The following CADPS2 variants were observed in gnomAD, a reference collection of about 807,000 sequenced individuals.
CADPS2 encodes calcium-dependent secretion activator 2.
Under a neutral mutation model 172.5 loss-of-function variants are expected in CADPS2, and 93 were observed. That is an observed-to-expected ratio of 0.54 (90% CI 0.46 to 0.64). CADPS2 has a LOEUF of 0.64. Among genes scored for constraint, CADPS2 ranks in the 30% least tolerant of loss-of-function variants. The pLI, the probability that CADPS2 is intolerant of heterozygous loss-of-function variation, is 0.00. For missense variants in CADPS2, 1,420 were observed against 1,565.9 expected (o/e 0.91, Z 1.57); for synonymous variants, 546 against 555.2 (o/e 0.98, Z 0.23).
chr7:122,345,044 AC>A (rs2037355504), intron 28 of CADPS2, among the ~76,000 whole-genome samples: 1 of 152,036 alleles, frequency 6.6e-6, no homozygotes, highest in Admixed American at 6.6e-5. Flanking sequence ...TTCAGAAGGC[AC>A]CCCGCCATCC....
chr7:122,835,598 T>C (rs1584778352), intron 1 of CADPS2, among the ~76,000 whole-genome samples: 2 of 152,182 alleles, frequency 1.3e-5, no homozygotes, highest in African/African-American at 4.8e-5. Flanking sequence ...AATGACCTGA[T>C]GGAACTGAAA....
intron 1 of CADPS2, among the ~76,000 whole-genome samples, chr7:122,874,532 A>G (rs1820694710): frequency 6.6e-6 from 1 of 152,198 alleles, no homozygotes; most frequent in Non-Finnish European, 1.5e-5. Context: ...AGAAAAAACT[A>G]CTTTAAATTT....
At chr7:122,530,791 T>A (rs928344322) in intron 8 of CADPS2, among the ~76,000 whole-genome samples, 44 of 152,164 alleles carry the variant, frequency 2.9e-4, no homozygotes, top group African/African-American at 1.0e-3. Flanking sequence ...CCAGCTACCA[T>A]ATATATAAAA....
At chr7:122,762,060 A>C (rs1245479473) in intron 1 of CADPS2, among the ~76,000 whole-genome samples, 1 of 149,212 alleles carries the variant, frequency 6.7e-6, no homozygotes, top group African/African-American at 2.5e-5. Context: ...ACACACACGT[A>C]TATTTATGTG....
rs185207398 is a variant in CADPS2, at chr7:122,333,245, T to C, written c.3613-7664A>G. Among the ~76,000 whole-genome samples, 22 of 152,346 alleles carry C rather than the reference T, an allele frequency of 1.4e-4. No individual in the cohort carries two copies. The East Asian group carries it at 2.9e-3, about 20-fold the overall frequency. ...TTTTAAATCCATAATGTAGGATTTA[T>C]ATAAAAGTATATTGGACTCTTGGAA... On this transcript the variant is annotated intron_variant, in intron 28 of 29. Transcript: ENST00000449022.
chr7:122,434,346 AAAAAG>A (rs965211151), intron 17 of CADPS2, among the ~76,000 whole-genome samples: 3 of 152,140 alleles, frequency 2.0e-5, no homozygotes, highest in African/African-American at 7.2e-5. Flanking sequence ...AGGGGAAAAA[AAAAAG>A]AAAGAAATAG....
intron 11 of CADPS2, among the ~76,000 whole-genome samples, chr7:122,487,554 A>C (rs2057944004): frequency 6.6e-6 from 1 of 152,224 alleles, no homozygotes; most frequent in Admixed American, 6.5e-5. Flanking sequence ...GCATTTCTCT[A>C]TATGAGCAAT....
At chr7:122,784,701 T>C (rs1045698596) in intron 1 of CADPS2, among the ~76,000 whole-genome samples, 1 of 152,206 alleles carries the variant, frequency 6.6e-6, no homozygotes, top group South Asian at 2.1e-4. Flanking sequence ...ATCCTTTTCT[T>C]AAGGTAACTT....
chr7:122,606,378 T>C (rs1253345893), intron 6 of CADPS2, among the ~76,000 whole-genome samples: 2 of 152,106 alleles, frequency 1.3e-5, no homozygotes, highest in Non-Finnish European at 2.9e-5. Flanking sequence ...AATATACATG[T>C]GCCTATGTAT....
At chr7:122,335,042 T>A (rs2150864288) in intron 28 of CADPS2, among the ~76,000 whole-genome samples, 1 of 152,292 alleles carries the variant, frequency 6.6e-6, no homozygotes, top group Non-Finnish European at 1.5e-5. Context: ...TGAGTAATTG[T>A]GACATAGATA....
intron 2 of CADPS2, among the ~76,000 whole-genome samples, chr7:122,706,281 CAAGGAATAT>C: frequency 2.0e-4 from 3 of 15,038 alleles, no homozygotes; most frequent in Admixed American, 1.3e-3. Flanking sequence ...TTTATATATT[CAAGGAATAT>C]ATATATGCTT....
intron 19 of CADPS2, among the ~76,000 whole-genome samples, chr7:122,408,193 T>TA (rs71530092): frequency 4.6e-5 from 7 of 152,008 alleles, no homozygotes; most frequent in Non-Finnish European, 8.8e-5. Flanking sequence ...TTTTTTTTTT[T>TA]ACCAATTACC....
At chr7:122,655,422 A>C (rs1017749357) in intron 3 of CADPS2, among the ~76,000 whole-genome samples, 3 of 152,172 alleles carry the variant, frequency 2.0e-5, no homozygotes, top group African/African-American at 7.2e-5. Flanking sequence ...ATCCACATCA[A>C]GGCGAGACCC....
rs1475370728 is a variant in CADPS2, at chr7:122,734,445, A to G, written c.453+2510T>C. On this transcript the variant is annotated intron_variant, in intron 2 of 29. Transcript: ENST00000449022. ...AACTCGGATGCTTACAATATGTAAC[A>G]CTGGAAAAGTCATTTAACCTCTATG... Among the ~76,000 whole-genome samples the G allele has an allele frequency of 2.7e-5, 4 of 149,294 alleles. No homozygotes were observed. In the Admixed American group the frequency reaches 2.7e-4, roughly 10 times the overall value.
intron 2 of CADPS2, among the ~76,000 whole-genome samples, chr7:122,732,313 C>T: frequency 6.6e-6 from 1 of 150,764 alleles, no homozygotes; most frequent in Non-Finnish European, 1.5e-5. Flanking sequence ...AAGGTACAAC[C>T]ACTATAAGAA....
rs1271844056 is a variant in CADPS2, at chr7:122,705,757, AT to A, written c.453+31197del. Among the ~76,000 whole-genome samples the A allele has an allele frequency of 2.4e-3, 22 of 9,190 alleles. 4 individuals are homozygous for A. The highest frequency in any genetic ancestry group is 7.2e-3 in the African/African-American group (22 of 3,042). The allele number at this position is 9,190 out of a possible 152,430, so 6.0% of individuals were successfully genotyped here. A position where few individuals can be genotyped will look rare whatever the true frequency, so the allele number is the denominator to read the frequency against. On this transcript the variant is annotated intron_variant, in intron 2 of 29. Transcript: ENST00000449022. ...TTATATAATATATAATATATATAAT[AT>A]ATAATATATGATATATTATATAATA...
intron 4 of CADPS2, among the ~76,000 whole-genome samples, chr7:122,624,060 A>AT (rs1383562426): frequency 1.3e-5 from 2 of 152,088 alleles, no homozygotes; most frequent in South Asian, 2.1e-4. Flanking sequence ...CTATACTTGA[A>AT]TTTTTTTCTC....
intron 2 of CADPS2, among the ~76,000 whole-genome samples, chr7:122,688,677 T>C (rs1351145205): frequency 5.9e-5 from 9 of 152,184 alleles, no homozygotes; most frequent in Admixed American, 2.0e-4. Context: ...CCCTATATAG[T>C]GTCAGCAGGG....
rs539838360 is a variant in CADPS2 at position 122,353,571 on chromosome 7, G to A, written c.3504+7217C>T. Among the ~76,000 whole-genome samples, 7 of 152,308 alleles carry A rather than the reference G, an allele frequency of 4.6e-5. No individual in the cohort carries two copies. The South Asian group carries it at 1.4e-3, about 32-fold the overall frequency. ...CTAGCATAGAGTTGGTATGCAGCGT[G>A]TGTGATAATGTTAATAAGACCATTT... is the stretch of plus-strand genomic sequence containing the variant. On this transcript the variant is annotated intron_variant, in intron 27 of 29. Coordinates refer to ENST00000449022, the MANE Select transcript of CADPS2 (RefSeq NM_017954.11).
Sources: allele counts gnomAD v4.1 joint callset (sites outside exome capture counted in the v4.1 genomes callset), GRCh38; gene constraint gnomAD v4.1.1; transcripts MANE v1.5; gene names NCBI Gene and HGNC (gene_info 2026-07-23, HGNC 2026-07-21).